EPHA7: variants seen among roughly 807,000 people sequenced by gnomAD.
EPHA7 encodes EPH receptor A7, also known as ephrin type-A receptor 7.
Under a neutral mutation model 112.6 loss-of-function variants are expected in EPHA7, and 25 were observed. That is an observed-to-expected ratio of 0.22 (90% confidence interval 0.16 to 0.31). The LOEUF (loss-of-function observed/expected upper bound fraction) is 0.31, where lower values mean the gene tolerates loss of function less well. Ranked by LOEUF, EPHA7 falls within the 10% of genes least tolerant of loss-of-function variation. The pLI, the probability that EPHA7 is intolerant of heterozygous loss-of-function variation, is 1.00. For missense variants in EPHA7, 962 were observed against 1,212.6 expected (o/e 0.79, Z 3.07); for synonymous variants, 437 against 406.5 (o/e 1.07, Z -0.90).
chr6:93,380,065 C>T (rs1488492423), intron 3 of EPHA7, among the ~76,000 whole-genome samples: 1 of 151,980 alleles, frequency 6.6e-6, no homozygotes, highest in Non-Finnish European at 1.5e-5. Flanking sequence ...GGTTTCTTGC[C>T]TCAGTGACAA....
At chr6:93,268,030 C>G (rs1316524608) in intron 7 of EPHA7, among the ~76,000 whole-genome samples, 5 of 151,750 alleles carry the variant, frequency 3.3e-5, no homozygotes, top group African/African-American at 1.2e-4. Context: ...CATTTTAACA[C>G]TAACCACTCA....
At chr6:93,292,483 G>T (rs1301334756) in intron 5 of EPHA7, among the ~76,000 whole-genome samples, 1 of 151,894 alleles carries the variant, frequency 6.6e-6, no homozygotes, top group African/African-American at 2.4e-5. Context: ...ATTCTTATTT[G>T]TATTGAAAAG....
intron 7 of EPHA7, among the ~76,000 whole-genome samples, chr6:93,267,816 A>G (rs1771017294): frequency 6.6e-6 from 1 of 151,734 alleles, no homozygotes; most frequent in Admixed American, 6.6e-5. Context: ...CAAAGTCAGG[A>G]AAAGGCATAA....
At chr6:93,359,379 T>C (rs942320903) in intron 3 of EPHA7, among the ~76,000 whole-genome samples, 2 of 150,296 alleles carry the variant, frequency 1.3e-5, no homozygotes, top group African/African-American at 4.9e-5. Context: ...TAATATATTA[T>C]ATATTGAAGA....
chr6:93,256,028 C>T lies in EPHA7; in HGVS notation c.2182G>A (p.Gly728Arg), dbSNP rs746088117. The T allele has an allele frequency of 1.2e-6, 2 of 1,613,720 alleles. No homozygotes were observed. The highest frequency in any genetic ancestry group is 2.7e-5 in the African/African-American group (2 of 74,872). ...ACTAACTGAATGACTGTAAATTGCC[C>T]ATCATGTTTCTGCAGGAAGACAAAA... Reference protein sequence around the residue: ...ALDAFLRKHDGQFTVIQLVGM... With the variant: ...ALDAFLRKHDRQFTVIQLVGM... The change falls in exon 13 of 17, where the codon GGG becomes AGG. Residue 728 changes from glycine to arginine, a missense_variant. Gly to Arg is a moderately radical substitution (Grantham distance 125, BLOSUM62 -2). Around this residue, in one of 3 missense-constraint regions of EPHA7, gnomAD observed 746 missense variants for 889.2 expected, o/e 0.84. Transcript: ENST00000369303.
chr6:93,413,628 A>G (rs1159062798), intron 2 of EPHA7, among the ~76,000 whole-genome samples: 2 of 151,932 alleles, frequency 1.3e-5, no homozygotes, highest in Non-Finnish European at 3.0e-5. Context: ...AATCTGTAAA[A>G]TGGTTGTCAT....
At chr6:93,308,998 G>A (rs1284249304) in intron 5 of EPHA7, among the ~76,000 whole-genome samples, 4 of 151,772 alleles carry the variant, frequency 2.6e-5, no homozygotes, top group Non-Finnish European at 5.9e-5. Context: ...GCCCAGGCTG[G>A]AGTGCAATGG....
chr6:93,359,870 GAGAGAGAT>G (rs764588109), intron 3 of EPHA7, among the ~76,000 whole-genome samples: 3,651 of 130,992 alleles, frequency 0.028, 74 homozygotes, highest in South Asian at 0.038. Context: ...GAGAGAGAGA[GAGAGAGAT>G]AGATAGATAG....
chr6:93,356,871 G>C lies in EPHA7; in HGVS notation c.1170C>G (p.Pro390=). Reference sequence around the variant, plus strand: ...AGTTATCCTCTAATCCAGTCTGCTGGGGCATGTATCCAATGTTACTCCCAC... The same window carrying C: ...AGTTATCCTCTAATCCAGTCTGCTGCGGCATGTATCCAATGTTACTCCCAC... ...VPCGSNIGYM[P]QQTGLEDNYV... is the part of the protein sequence containing the mutation. The change falls in exon 5 of 17, where the codon CCC becomes CCG. Residue 390 remains proline (P), a synonymous_variant. Transcript: ENST00000369303. 1 of 1,614,086 alleles carries C rather than the reference G, an allele frequency of 6.2e-7. No individual in the cohort carries two copies. Among genetic ancestry groups the C allele is most frequent in the Non-Finnish European group, 8.5e-7 (1 of 1,180,008 alleles).
chr6:93,319,722 G>A (rs1182273356), intron 5 of EPHA7, among the ~76,000 whole-genome samples: 1 of 152,050 alleles, frequency 6.6e-6, no homozygotes, highest in African/African-American at 2.4e-5. Flanking sequence ...AATGCTGGGG[G>A]CTACATAGCT....
intron 5 of EPHA7, among the ~76,000 whole-genome samples, chr6:93,302,366 C>T (rs1297270369): frequency 6.6e-6 from 1 of 151,956 alleles, no homozygotes; most frequent in South Asian, 2.1e-4. Context: ...GTTCTTTGAC[C>T]TCTCGTTCTT....
intron 8 of EPHA7, among the ~76,000 whole-genome samples, 182 bp from the exon 9 acceptor site, chr6:93,264,097 T>G (rs193064508): frequency 3.8e-4 from 58 of 151,670 alleles, no homozygotes; most frequent in Non-Finnish European, 5.5e-4. Flanking sequence ...AAACTTTTTG[T>G]GTGAGAAAAT....
Position 93,245,458 on chromosome 6 carries a change from A to T in EPHA7, c.2727-5T>A, listed in dbSNP as rs1463358052. The T allele has an allele frequency of 6.2e-7, 1 of 1,604,136 alleles. No individual in the cohort carries two copies. Among genetic ancestry groups the T allele is most frequent in the South Asian group, 1.1e-5 (1 of 88,312 alleles). On this transcript the variant is annotated splice_region_variant and splice_polypyrimidine_tract_variant and intron_variant, in intron 15 of 16. Transcript: ENST00000369303. ...TCCAGAAGAGGGCTTATTGGCCTAG[A>T]TAAAAATGAAACAGAAAAGCGAACA...
chr6:93,355,159 AG>A (rs1319826445), intron 5 of EPHA7, among the ~76,000 whole-genome samples: 1 of 152,168 alleles, frequency 6.6e-6, no homozygotes, highest in African/African-American at 2.4e-5. Flanking sequence ...AAAGTAAAAT[AG>A]GTAAGTCCAG....
chr6:93,290,642 C>G (rs1470262361), intron 5 of EPHA7, among the ~76,000 whole-genome samples: 1 of 152,082 alleles, frequency 6.6e-6, no homozygotes, highest in Non-Finnish European at 1.5e-5. Context: ...GTTAATTATT[C>G]AGTTTTAGAT....
chr6:93,322,194 T>C (rs1308924354), intron 5 of EPHA7, among the ~76,000 whole-genome samples: 1 of 151,698 alleles, frequency 6.6e-6, no homozygotes, highest in Non-Finnish European at 1.5e-5. Flanking sequence ...AAATTTACAC[T>C]GTATGTAATT....
chr6:93,323,805 T>G (rs1774186953), intron 5 of EPHA7, among the ~76,000 whole-genome samples: 1 of 151,450 alleles, frequency 6.6e-6, no homozygotes, highest in African/African-American at 2.4e-5. Flanking sequence ...CTGACAAACA[T>G]ATATTCTACC....
intron 3 of EPHA7, among the ~76,000 whole-genome samples, chr6:93,379,913 T>A (rs991663620): frequency 6.6e-6 from 1 of 152,036 alleles, no homozygotes; most frequent in Non-Finnish European, 1.5e-5. Context: ...TACCAATGCT[T>A]TTAGGAGTTA....
chr6:93,361,544 G>C (rs1384912175), intron 3 of EPHA7, among the ~76,000 whole-genome samples: 1 of 152,046 alleles, frequency 6.6e-6, no homozygotes, highest in Non-Finnish European at 1.5e-5. Flanking sequence ...ATATCTGAGA[G>C]ATACATACAT....
Sources: gnomAD v4.1 joint callset for allele counts (sites outside exome capture counted in the v4.1 genomes callset) on GRCh38, gnomAD v4.1.1 for gene constraint, gnomAD v4.1.1 regional missense constraint, MANE v1.5 for transcripts, NCBI Gene and HGNC (gene_info 2026-07-23, HGNC 2026-07-21) for gene names.